The following PARD3B variants were observed in gnomAD, a reference collection of about 807,000 sequenced individuals.
PARD3B encodes partitioning defective 3 homolog B.
PARD3B carries 103 observed loss-of-function variants against 130.2 expected under a neutral mutation model. The ratio of observed to expected loss-of-function variants is 0.79; its 90% confidence interval spans 0.67 to 0.93. PARD3B has a LOEUF of 0.93. Among genes scored for constraint, PARD3B ranks in the 40% least tolerant of loss-of-function variants. PARD3B has a pLI of 0.00. For synonymous variants in PARD3B, 583 were observed against 553.2 expected (o/e 1.05, Z -0.76); for missense variants, 1,609 against 1,499.2 (o/e 1.07, Z -1.21).
intron 20 of PARD3B, among the ~76,000 whole-genome samples, chr2:205,477,321 A>G (rs1326006557): frequency 1.3e-5 from 2 of 152,030 alleles, no homozygotes; most frequent in Admixed American, 6.5e-5. Context: ...CAGAGTGGAG[A>G]TGTGTGTGGA....
intron 2 of PARD3B, among the ~76,000 whole-genome samples, chr2:204,737,627 T>C (rs2039815500): frequency 6.6e-6 from 1 of 152,212 alleles, no homozygotes; most frequent in Non-Finnish European, 1.5e-5. Flanking sequence ...GCTTTTGGGA[T>C]CTTAGTCATG....
At chr2:204,575,642 C>T (rs2032218963) in intron 1 of PARD3B, among the ~76,000 whole-genome samples, 1 of 152,208 alleles carries the variant, frequency 6.6e-6, no homozygotes, top group Admixed American at 6.5e-5. Context: ...AGGCCCCTGC[C>T]TGTTCTCCTC....
intron 1 of PARD3B, among the ~76,000 whole-genome samples, chr2:204,632,769 T>C (rs2034727283): frequency 6.6e-6 from 1 of 152,214 alleles, no homozygotes. Context: ...GGGGTTCCCT[T>C]GGCTCTGTGT....
At chr2:205,339,211 A>G (rs542718932) in intron 18 of PARD3B, among the ~76,000 whole-genome samples, 37 of 152,322 alleles carry the variant, frequency 2.4e-4, no homozygotes, top group African/African-American at 8.9e-4. Flanking sequence ...ATATTAGTCT[A>G]TTTTACCACA....
At chr2:204,977,811 C>CAA (rs35974349) in intron 3 of PARD3B, among the ~76,000 whole-genome samples, 1,441 of 58,048 alleles carry the variant, frequency 0.025, 59 homozygotes, top group Non-Finnish European at 0.03. Flanking sequence ...GACTCCGGCT[C>CAA]AAAAAAAAAA....
chr2:205,508,729 C>G (rs2050472962), intron 21 of PARD3B, among the ~76,000 whole-genome samples: 1 of 152,058 alleles, frequency 6.6e-6, no homozygotes, highest in African/African-American at 2.4e-5. Flanking sequence ...CTTTTGATTT[C>G]CAAAAACAGT....
rs755788978 is a variant in PARD3B at position 205,160,441 on chromosome 2, G to A, written c.1620+1534G>A. On this transcript the variant is annotated intron_variant, in intron 11 of 22. Coordinates refer to ENST00000406610, the MANE Select transcript of PARD3B (RefSeq NM_001302769.2). The surrounding 1 kb of genome is among the most constrained non-coding windows in gnomAD (Gnocchi z 4.0). ...GGCCAGCGGCAGTGGGTGAATCCGCGGGCTCCAAGCTAGCACACTGTCACC... is the reference window on the plus strand; with the variant it reads ...GGCCAGCGGCAGTGGGTGAATCCGCAGGCTCCAAGCTAGCACACTGTCACC... Among the ~76,000 whole-genome samples the A allele has an allele frequency of 3.3e-5, 5 of 152,126 alleles. No individual in the cohort carries two copies. The highest frequency in any genetic ancestry group is 1.3e-4 in the Admixed American group (2 of 15,276).
intron 18 of PARD3B, among the ~76,000 whole-genome samples, chr2:205,354,033 T>C (rs1312892898): frequency 3.5e-5 from 4 of 113,496 alleles, no homozygotes; most frequent in African/African-American, 1.1e-4. Context: ...TTCCTTTTTT[T>C]TTTTTTTTTT....
At chr2:205,422,849 G>GGCTTAGCTTAGGTCTGTTGAT (rs60470327) in intron 19 of PARD3B, among the ~76,000 whole-genome samples, 1 of 152,084 alleles carries the variant, frequency 6.6e-6, no homozygotes, top group Non-Finnish European at 1.5e-5. Flanking sequence ...GAAAAGAATA[G>GGCTTAGCTTAGGTCTGTTGAT]CTTGGTGAAG....
rs148177809 is a variant in PARD3B, at chr2:204,979,996, A to G, written c.394+14673A>G. Among the ~76,000 whole-genome samples, 736 of 152,324 alleles carry G rather than the reference A, an allele frequency of 4.8e-3. 6 individuals are homozygous for G. Among genetic ancestry groups the G allele is most frequent in the African/African-American group, 0.017 (693 of 41,578 alleles). The stretch of plus-strand genomic sequence containing the variant: ...GGGAAAAATTTTGATAAATTGGGTT[A>G]TGTGCAATAAAGAACTTCTGTTCAT... On this transcript the variant is annotated intron_variant, in intron 3 of 22. Transcript: ENST00000406610.
chr2:205,032,824 C>A (rs894054020), intron 3 of PARD3B, among the ~76,000 whole-genome samples: 2 of 152,040 alleles, frequency 1.3e-5, no homozygotes, highest in Non-Finnish European at 2.9e-5. Context: ...TTTGAATGAT[C>A]CAATAAAAGG....
intron 18 of PARD3B, among the ~76,000 whole-genome samples, chr2:205,305,668 C>T (rs1303527773): frequency 6.6e-6 from 1 of 152,160 alleles, no homozygotes; most frequent in Non-Finnish European, 1.5e-5. Flanking sequence ...TTTCTGAGTT[C>T]AATCCTGGCT....
At chr2:204,547,035 C>T (rs1465640359) in intron 1 of PARD3B, among the ~76,000 whole-genome samples, 1 of 152,194 alleles carries the variant, frequency 6.6e-6, no homozygotes, top group Non-Finnish European at 1.5e-5. Flanking sequence ...GCTCCTCAAA[C>T]AGGGCAAGTC....
At chr2:205,554,461 TG>T (rs2106500684) in intron 22 of PARD3B, among the ~76,000 whole-genome samples, 1 of 152,368 alleles carries the variant, frequency 6.6e-6, no homozygotes, top group African/African-American at 2.4e-5. Flanking sequence ...GAAGCTGTTT[TG>T]TCCTGATTAG....
chr2:205,022,830 A>G (rs559463509), intron 3 of PARD3B, among the ~76,000 whole-genome samples: 46 of 152,300 alleles, frequency 3.0e-4, no homozygotes, highest in Middle Eastern at 3.4e-3. Flanking sequence ...GACTAGGCTG[A>G]CAGTATACAC....
intron 22 of PARD3B, among the ~76,000 whole-genome samples, chr2:205,611,181 G>A (rs2055216105): frequency 6.6e-6 from 1 of 152,194 alleles, no homozygotes. Context: ...GGGTGGTGGT[G>A]TAGACATAGG....
At chr2:204,776,090 G>A (rs952394028) in intron 2 of PARD3B, among the ~76,000 whole-genome samples, 18 of 152,072 alleles carry the variant, frequency 1.2e-4, no homozygotes, top group Admixed American at 9.2e-4. Context: ...CTAAATATGT[G>A]GTCTGATAAT....
At chr2:205,262,219 A>G (rs2040341499) in intron 16 of PARD3B, among the ~76,000 whole-genome samples, 1 of 152,126 alleles carries the variant, frequency 6.6e-6, no homozygotes. Flanking sequence ...CTGAAGAGCT[A>G]CCTTTCCTAT....
intron 21 of PARD3B, among the ~76,000 whole-genome samples, chr2:205,502,568 C>G (rs1238149086): frequency 6.6e-6 from 1 of 152,116 alleles, no homozygotes; most frequent in Non-Finnish European, 1.5e-5. Context: ...TAGAACTCCC[C>G]CAAGTCCAGA....
Sources: allele counts gnomAD v4.1 joint callset (sites outside exome capture counted in the v4.1 genomes callset), GRCh38; gene constraint gnomAD v4.1.1; non-coding constraint Gnocchi (gnomAD v3.1); transcripts MANE v1.5; gene names NCBI Gene and HGNC (gene_info 2026-07-23, HGNC 2026-07-21).